The following ADAMTS12 variants were observed in gnomAD, a reference collection of about 807,000 sequenced individuals.
ADAMTS12 encodes the protein ADAM metallopeptidase with thrombospondin type 1 motif 12, also known as A disintegrin and metalloproteinase with thrombospondin motifs 12.
ADAMTS12 carries 118 observed loss-of-function variants against 167.8 expected under a neutral mutation model. That is an observed-to-expected ratio of 0.70 (90% CI 0.61 to 0.82). ADAMTS12 has a LOEUF of 0.82. ADAMTS12 is among the 40% of genes least tolerant of loss of function. ADAMTS12 has a pLI of 0.00. For missense variants in ADAMTS12, 1,916 were observed against 1,998.8 expected (o/e 0.96, Z 0.79); for synonymous variants, 704 against 716.9 (o/e 0.98, Z 0.29).
chr5:33,548,470 T>A (rs1190615938), intron 21 of ADAMTS12, among the ~76,000 whole-genome samples: 1 of 152,184 alleles, frequency 6.6e-6, no homozygotes, highest in Non-Finnish European at 1.5e-5. Flanking sequence ...AGTGCCTAGC[T>A]CCTGGACACA....
At chr5:33,797,506 C>T (rs1313270397) in intron 2 of ADAMTS12, among the ~76,000 whole-genome samples, 1 of 149,470 alleles carries the variant, frequency 6.7e-6, no homozygotes, top group Non-Finnish European at 1.5e-5. Context: ...AGGGACACAG[C>T]GAGATTGACC....
chr5:33,877,934 A>C (rs1363662463), intron 2 of ADAMTS12, among the ~76,000 whole-genome samples: 1 of 152,188 alleles, frequency 6.6e-6, no homozygotes, highest in East Asian at 1.9e-4. Flanking sequence ...CAGGAATGAC[A>C]GGCAGACGTC....
At chr5:33,790,963 C>A (rs1746542979) in intron 2 of ADAMTS12, among the ~76,000 whole-genome samples, 1 of 152,026 alleles carries the variant, frequency 6.6e-6, no homozygotes, top group South Asian at 2.1e-4. Context: ...GTGATGTTAA[C>A]ATTGGTCAGA....
intron 3 of ADAMTS12, among the ~76,000 whole-genome samples, chr5:33,735,829 T>C (rs1208108102): frequency 6.6e-6 from 1 of 152,202 alleles, no homozygotes; most frequent in African/African-American, 2.4e-5. Flanking sequence ...TCCAAACCTC[T>C]GGTGCCCAGG....
At position 33,596,034 on chromosome 5, in the gene ADAMTS12, T is replaced by G. The variant is rs770981675; in HGVS notation, c.2554A>C (p.Ile852Leu). ...TTCACCATCCCGCGGCCCTTCTTTATGCAATGGGCAGTTTGGCGGCGGATA... is the reference window on the plus strand; with the variant it reads ...TTCACCATCCCGCGGCCCTTCTTTAGGCAATGGGCAGTTTGGCGGCGGATA... Reference protein sequence around the residue: ...TGIRRQTAHCIKKGRGMVKAT... With the variant: ...TGIRRQTAHCLKKGRGMVKAT... Residue 852 changes from isoleucine (I) to leucine (L), a missense_variant, in exon 17 of 24, where the codon ATA becomes CTA. By Grantham distance (5) the Ile-to-Leu change is conservative. Transcript: ENST00000504830. The G allele has an allele frequency of 3.7e-6, 6 of 1,613,984 alleles. No homozygotes were observed. Among genetic ancestry groups the G allele is most frequent in the Non-Finnish European group, 5.1e-6 (6 of 1,179,976 alleles).
At chr5:33,671,330 G>C (rs1579820794) in intron 5 of ADAMTS12, among the ~76,000 whole-genome samples, 1 of 152,146 alleles carries the variant, frequency 6.6e-6, no homozygotes, top group Admixed American at 6.5e-5. Flanking sequence ...ACACACCACT[G>C]TGTGCATCTG....
intron 2 of ADAMTS12, among the ~76,000 whole-genome samples, chr5:33,793,602 C>T (rs535642060): frequency 6.6e-5 from 10 of 151,882 alleles, no homozygotes; most frequent in Non-Finnish European, 1.2e-4. Flanking sequence ...ATTATTTTAC[C>T]CAAACTTTTT....
chr5:33,737,102 AG>A (rs1174263731), intron 3 of ADAMTS12, among the ~76,000 whole-genome samples: 1 of 152,216 alleles, frequency 6.6e-6, no homozygotes, highest in Non-Finnish European at 1.5e-5. Flanking sequence ...ATCCCATGCA[AG>A]TACCTGCGTT....
intron 11 of ADAMTS12, among the ~76,000 whole-genome samples, chr5:33,638,773 T>C (rs964852271): frequency 1.3e-5 from 2 of 152,234 alleles, no homozygotes; most frequent in African/African-American, 4.8e-5. Context: ...TTAATAGATA[T>C]TCAATGGGTG....
intron 3 of ADAMTS12, among the ~76,000 whole-genome samples, chr5:33,700,906 TAGCTTAAACAA>T (rs1742979412): frequency 6.6e-6 from 1 of 152,154 alleles, no homozygotes; most frequent in Admixed American, 6.5e-5. Context: ...CACACAATAA[TAGCTTAAACAA>T]AACCTACACG....
chr5:33,836,735 C>A (rs1748542089), intron 2 of ADAMTS12, among the ~76,000 whole-genome samples: 1 of 151,944 alleles, frequency 6.6e-6, no homozygotes, highest in Non-Finnish European at 1.5e-5. Context: ...GGGAGAAGAA[C>A]CTGGGTGGAG....
At chr5:33,864,854 G>C (rs1432308415) in intron 2 of ADAMTS12, among the ~76,000 whole-genome samples, 1 of 152,154 alleles carries the variant, frequency 6.6e-6, no homozygotes, top group African/African-American at 2.4e-5. Flanking sequence ...TAGGGGGCTA[G>C]GGAAGGGATA....
intron 2 of ADAMTS12, among the ~76,000 whole-genome samples, chr5:33,753,435 T>A (rs1435405079): frequency 6.6e-6 from 1 of 152,186 alleles, no homozygotes; most frequent in Non-Finnish European, 1.5e-5. Flanking sequence ...CCGTTTCTCC[T>A]CTGAGTCAGA....
At chr5:33,543,742 C>T (rs1474058995) in intron 22 of ADAMTS12, among the ~76,000 whole-genome samples, 1 of 152,166 alleles carries the variant, frequency 6.6e-6, no homozygotes, top group African/African-American at 2.4e-5. Context: ...ATCACATAAA[C>T]AGAACCAACA....
intron 3 of ADAMTS12, among the ~76,000 whole-genome samples, chr5:33,717,909 T>C (rs1743670142): frequency 6.6e-6 from 1 of 151,774 alleles, no homozygotes; most frequent in South Asian, 2.1e-4. Context: ...CATTTTGTCA[T>C]AGCTGTGACC....
At chr5:33,597,807 T>C (rs1332563439) in intron 16 of ADAMTS12, among the ~76,000 whole-genome samples, 2 of 152,140 alleles carry the variant, frequency 1.3e-5, no homozygotes, top group Non-Finnish European at 2.9e-5. Flanking sequence ...GAAGCTGACA[T>C]GCATCTGCCA....
intron 2 of ADAMTS12, among the ~76,000 whole-genome samples, chr5:33,807,732 T>A (rs892759451): frequency 5.9e-5 from 9 of 152,202 alleles, no homozygotes; most frequent in Non-Finnish European, 1.5e-5. Flanking sequence ...TTGTATCAGA[T>A]GAAAGATCAT....
At chr5:33,696,878 C>A (rs1742800285) in intron 3 of ADAMTS12, among the ~76,000 whole-genome samples, 2 of 152,322 alleles carry the variant, frequency 1.3e-5, no homozygotes, top group African/African-American at 4.8e-5. Flanking sequence ...CTAGGCAGTT[C>A]TTTTCGGCTT....
At chr5:33,815,378 G>A (rs1319445599) in intron 2 of ADAMTS12, among the ~76,000 whole-genome samples, 29 of 152,132 alleles carry the variant, frequency 1.9e-4, no homozygotes, top group Admixed American at 1.9e-3. Context: ...CTGAATTAGT[G>A]CCATTATAAG....
Sources: gnomAD v4.1 joint callset for allele counts (sites outside exome capture counted in the v4.1 genomes callset) on GRCh38, gnomAD v4.1.1 for gene constraint, MANE v1.5 for transcripts, NCBI Gene and HGNC (gene_info 2026-07-23, HGNC 2026-07-21) for gene names.